The following PTPRD variants were observed in gnomAD, a reference collection of about 807,000 sequenced individuals.
The protein encoded by PTPRD is protein tyrosine phosphatase receptor type D, also known as receptor-type tyrosine-protein phosphatase delta.
In PTPRD, 34 loss-of-function variants were observed where a neutral mutation model predicts 214.5. The observed-to-expected ratio is 0.16, with a 90% CI of 0.12 to 0.21. PTPRD has a LOEUF of 0.21. Ranked by LOEUF, PTPRD falls within the 10% of genes least tolerant of loss-of-function variation. The pLI is 1.00. For synonymous variants in PTPRD, 1,128 were observed against 845.7 expected, an observed-to-expected ratio of 1.33 and a Z score of -5.79; for missense variants, 2,545 against 2,398.7, an observed-to-expected ratio of 1.06 and a Z score of -1.27.
intron 4 of PTPRD, among the ~76,000 whole-genome samples, chr9:9,943,618 G>A (rs1313825027): frequency 6.7e-6 from 1 of 148,420 alleles, no homozygotes; most frequent in East Asian, 2.1e-4. Context: ...TGGGTTTGTG[G>A]CTGTTAGATG....
chr9:8,948,143 C>A (rs1197993272), intron 11 of PTPRD, among the ~76,000 whole-genome samples: 1 of 150,804 alleles, frequency 6.6e-6, no homozygotes, highest in Non-Finnish European at 1.5e-5. Context: ...CCTCAGTTTC[C>A]CGAGTAGCTG....
chr9:8,714,076 C>T (rs533415939), intron 12 of PTPRD, among the ~76,000 whole-genome samples: 5 of 152,068 alleles, frequency 3.3e-5, no homozygotes, highest in Admixed American at 1.3e-4. Context: ...TAATGAATAA[C>T]GGCCCTAATT....
intron 39 of PTPRD, among the ~76,000 whole-genome samples, chr9:8,362,411 C>T (rs571339892): frequency 3.3e-5 from 5 of 152,176 alleles, no homozygotes; most frequent in South Asian, 2.1e-4. Context: ...TTCAGACACA[C>T]GAAAGAGGGA....
chr9:10,010,363 CT>C (rs201160629), intron 4 of PTPRD, among the ~76,000 whole-genome samples: 72,823 of 151,382 alleles, frequency 0.48, 20,866 homozygotes, highest in Middle Eastern at 0.66. Context: ...ATATAATTGC[CT>C]GTTTGCCTCT....
intron 3 of PTPRD, among the ~76,000 whole-genome samples, chr9:10,223,708 A>ATAG (rs1171875777): frequency 6.8e-6 from 1 of 146,668 alleles, no homozygotes; most frequent in Non-Finnish European, 1.5e-5. Context: ...AATAATAATA[A>ATAG]TAATAAAGTA....
chr9:10,095,962 C>T (rs2098479297), intron 3 of PTPRD, among the ~76,000 whole-genome samples: 1 of 151,492 alleles, frequency 6.6e-6, no homozygotes, highest in African/African-American at 2.4e-5. Flanking sequence ...GTTGACATTG[C>T]TGGGGTGAAC....
At chr9:8,803,771 C>A (rs2096618129) in intron 11 of PTPRD, among the ~76,000 whole-genome samples, 1 of 151,578 alleles carries the variant, frequency 6.6e-6, no homozygotes, top group Non-Finnish European at 1.5e-5. Flanking sequence ...AGTACGAAAT[C>A]ATGTTTGGTA....
At chr9:9,314,072 T>C (rs936954769) in intron 9 of PTPRD, among the ~76,000 whole-genome samples, 2 of 152,158 alleles carry the variant, frequency 1.3e-5, no homozygotes, top group African/African-American at 4.8e-5. Flanking sequence ...ATTTCCTGCC[T>C]ATTGTCAGTA....
At chr9:9,094,706 G>T (rs898438434) in intron 10 of PTPRD, among the ~76,000 whole-genome samples, 1 of 151,952 alleles carries the variant, frequency 6.6e-6, no homozygotes, top group East Asian at 1.9e-4. Flanking sequence ...AAAACTTTAG[G>T]CCCAGATGGC....
chr9:8,440,944 G>C (rs2095527554), intron 34 of PTPRD, among the ~76,000 whole-genome samples: 1 of 152,144 alleles, frequency 6.6e-6, no homozygotes, highest in Non-Finnish European at 1.5e-5. Context: ...AGCCCAGACA[G>C]TAAATAACAA....
intron 7 of PTPRD, among the ~76,000 whole-genome samples, chr9:9,609,391 A>C (rs1055139382): frequency 3.9e-5 from 6 of 152,192 alleles, no homozygotes; most frequent in Non-Finnish European, 7.3e-5. Flanking sequence ...AAACAAAAAA[A>C]CAGAAGCACA....
intron 2 of PTPRD, among the ~76,000 whole-genome samples, chr9:10,456,897 A>C (rs2098921922): frequency 6.6e-6 from 1 of 151,876 alleles, no homozygotes; most frequent in Non-Finnish European, 1.5e-5. Context: ...GTAGTCCAAA[A>C]ACTAATTGTT....
At chr9:8,911,255 A>G (rs1341271616) in intron 11 of PTPRD, among the ~76,000 whole-genome samples, 1 of 152,236 alleles carries the variant, frequency 6.6e-6, no homozygotes, top group Non-Finnish European at 1.5e-5. Flanking sequence ...CATATAGACC[A>G]TTAGAACCGA....
intron 3 of PTPRD, among the ~76,000 whole-genome samples, chr9:10,060,387 A>C (rs185930861): frequency 3.3e-5 from 5 of 152,186 alleles, no homozygotes; most frequent in Admixed American, 3.3e-4. Flanking sequence ...CCGTTAAAAT[A>C]ACACAACGCT....
chr9:8,507,724 A>G (rs1563930998), intron 21 of PTPRD, among the ~76,000 whole-genome samples: 1 of 152,218 alleles, frequency 6.6e-6, no homozygotes, highest in Non-Finnish European at 1.5e-5. Flanking sequence ...TCTTTACTTC[A>G]TGATATGGTT....
At chr9:8,671,922 A>G (rs1489790658) in intron 12 of PTPRD, among the ~76,000 whole-genome samples, 2 of 152,212 alleles carry the variant, frequency 1.3e-5, no homozygotes, top group East Asian at 3.8e-4. Flanking sequence ...AATGTTGGAA[A>G]AGATACATTC....
intron 11 of PTPRD, among the ~76,000 whole-genome samples, chr9:8,827,636 A>G (rs1193555792): frequency 2.0e-5 from 3 of 152,136 alleles, no homozygotes; most frequent in African/African-American, 7.2e-5. Flanking sequence ...GGTTTTTGCC[A>G]CAGAAAGTAA....
intron 7 of PTPRD, among the ~76,000 whole-genome samples, chr9:9,663,195 T>C (rs989620056): frequency 6.6e-6 from 1 of 151,400 alleles, no homozygotes; most frequent in Non-Finnish European, 1.5e-5. Context: ...GTTTATCTCA[T>C]AGGTCTTTTA....
intron 2 of PTPRD, among the ~76,000 whole-genome samples, chr9:10,477,571 G>A (rs2099071200): frequency 6.6e-6 from 1 of 152,096 alleles, no homozygotes; most frequent in Non-Finnish European, 1.5e-5. Flanking sequence ...AAGACAGTGT[G>A]GTGATTCTTC....
Sources: gnomAD v4.1 joint callset for allele counts (sites outside exome capture counted in the v4.1 genomes callset) on GRCh38, gnomAD v4.1.1 for gene constraint, MANE v1.5 for transcripts, NCBI Gene and HGNC (gene_info 2026-07-23, HGNC 2026-07-21) for gene names.